Variants in KRT80 observed in about 807,000 individuals in gnomAD.
KRT80 encodes the protein keratin, type II cytoskeletal 80.
In KRT80, 36 loss-of-function variants were observed where a neutral mutation model predicts 51.5. The ratio of observed to expected loss-of-function variants is 0.70; its 90% CI spans 0.54 to 0.92. The LOEUF (loss-of-function observed/expected upper bound fraction) is 0.92, where lower values mean the gene tolerates loss of function less well. Ranked by LOEUF, KRT80 falls within the 40% of genes least tolerant of loss-of-function variation. The probability of loss-of-function intolerance (pLI) is 0.00; values close to 1 mark genes in which losing one functional copy is unlikely to be tolerated. For synonymous variants in KRT80, 235 were observed against 248.3 expected, an observed-to-expected ratio of 0.95 and a Z score of 0.50; for missense variants, 566 against 591.7, an observed-to-expected ratio of 0.96 and a Z score of 0.45.
At position 52,175,960 on chromosome 12, in the gene KRT80, G is replaced by A. The variant is rs116392142; in HGVS notation, c.667-2196C>T. 1.5e-3 allele frequency among the ~76,000 whole-genome samples: 231 copies of A among 152,278 alleles called. 2 individuals carry two copies. The highest frequency in any genetic ancestry group is 5.1e-3 in the African/African-American group (214 of 41,564). ...TTTTGGTTGACACATTGTGGGCATC[G>A]GTGGGTGTGGGGGGCCTCAGAGCCC... On this transcript the variant is annotated intron_variant, in intron 4 of 8. Transcript: ENST00000394815.
At chr12:52,185,300 G>A in intron 2 of KRT80, 79 bp downstream of exon 2, 2 of 1,356,932 alleles carry the variant, frequency 1.5e-6, no homozygotes, top group South Asian at 2.7e-5. Flanking sequence ...TCTTTCTCTG[G>A]CTTAAGTGCC....
rs556735452 is a variant in KRT80, at chr12:52,178,575, G to A, written c.666+1938C>T. ...TCCTTCCGGCTCCAGCGCAGCACCC[G>A]GTTTCTTTGCATCCCAGAATCTGTC... On this transcript the variant is annotated intron_variant, in intron 4 of 8. Coordinates refer to ENST00000394815, the MANE Select transcript of KRT80 (RefSeq NM_182507.3). Among the ~76,000 whole-genome samples, 9 of 152,284 alleles carry A rather than the reference G, an allele frequency of 5.9e-5. 1 individual carries two copies. The South Asian group carries it at 1.2e-3, about 21-fold the overall frequency.
Position 52,191,799 on chromosome 12 carries a change from C to T in KRT80, c.104G>A (p.Arg35Lys), listed in dbSNP as rs2120958496. The change falls in exon 1 of 9, where the codon AGG becomes AAG. Residue 35 changes from arginine to lysine, a missense_variant. Arg to Lys is a conservative substitution (Grantham distance 26, BLOSUM62 2). Transcript: ENST00000394815. Reference protein sequence around the residue: ...RPGTSGWDSCRAPGPGFSSRS... With the variant: ...RPGTSGWDSCKAPGPGFSSRS... ...GGAGCTGAAGCCCGGCCCGGGGGCCCTGCAGCTGTCCCATCCTGAGGTTCC... is the reference window on the plus strand; with the variant it reads ...GGAGCTGAAGCCCGGCCCGGGGGCCTTGCAGCTGTCCCATCCTGAGGTTCC... 2 of 1,608,382 alleles carry T rather than the reference C, an allele frequency of 1.2e-6. No individual in the cohort carries two copies. The highest frequency in any genetic ancestry group is 2.2e-5 in the East Asian group (1 of 44,798).
intron 4 of KRT80, among the ~76,000 whole-genome samples, chr12:52,177,635 C>CTGTGTGTG (rs34730614): frequency 6.8e-6 from 1 of 148,114 alleles, no homozygotes; most frequent in African/African-American, 2.5e-5. Context: ...TGTATCTTGG[C>CTGTGTGTG]TGTGTGTGTG....
At chr12:52,190,468 T>C (rs1941463353) in intron 1 of KRT80, among the ~76,000 whole-genome samples, 1 of 152,252 alleles carries the variant, frequency 6.6e-6, no homozygotes. Flanking sequence ...TGTTACTTTC[T>C]TCCCTCTGCC....
intron 4 of KRT80, among the ~76,000 whole-genome samples, chr12:52,179,340 G>A (rs951910522): frequency 6.6e-6 from 1 of 152,242 alleles, no homozygotes; most frequent in Non-Finnish European, 1.5e-5. Flanking sequence ...CAGTGGGCAT[G>A]GTGCCCTGGT....
intron 4 of KRT80, among the ~76,000 whole-genome samples, chr12:52,175,680 G>T (rs1941206670): frequency 1.3e-5 from 2 of 152,062 alleles, no homozygotes; most frequent in Non-Finnish European, 2.9e-5. Context: ...CTCTGCCCTG[G>T]AGCTGGCAGG....
At chr12:52,178,391 T>TCCCC (rs1941267576) in intron 4 of KRT80, among the ~76,000 whole-genome samples, 1 of 152,234 alleles carries the variant, frequency 6.6e-6, no homozygotes, top group Non-Finnish European at 1.5e-5. Context: ...GACCAGAGAC[T>TCCCC]TCTTTCTTTT....
At chr12:52,181,903 C>G (rs562634259) in intron 2 of KRT80, among the ~76,000 whole-genome samples, 4 of 152,338 alleles carry the variant, frequency 2.6e-5, no homozygotes, top group Non-Finnish European at 5.9e-5. Flanking sequence ...TCGGGGAATG[C>G]CTGAATCACT....
rs930384025 is a variant in KRT80 at position 52,173,162 on chromosome 12, A to G, written c.833T>C (p.Leu278Pro). ...GGCCGAGCGGGCGGCCTGCTCCTCC[A>G]GCTGGAGGTACATGGAGGTCTCAGT... is the stretch of plus-strand genomic sequence containing the variant. Reference protein sequence around the residue: ...EEAEAYSRSQLEEQAARSAEY... With the variant: ...EEAEAYSRSQPEEQAARSAEY... The change falls in exon 6 of 9, where the codon CTG becomes CCG. Residue 278 changes from leucine to proline, a missense_variant and splice_region_variant. Leu to Pro is a moderately conservative substitution (Grantham distance 98, BLOSUM62 -3). Transcript: ENST00000394815. The G allele has an allele frequency of 3.1e-6, 5 of 1,607,554 alleles. No homozygotes were observed. The highest frequency in any genetic ancestry group is 1.3e-5 in the African/African-American group (1 of 74,848).
chr12:52,187,725 G>T (rs1298974462), intron 1 of KRT80, among the ~76,000 whole-genome samples: 1 of 152,182 alleles, frequency 6.6e-6, no homozygotes, highest in African/African-American at 2.4e-5. Flanking sequence ...AGGGATGGAG[G>T]TCAAGAGGGT....
At chr12:52,173,355 C>A (rs1460600781) in intron 5 of KRT80, among the ~76,000 whole-genome samples, 192 bp from the exon 6 acceptor site, 1 of 152,198 alleles carries the variant, frequency 6.6e-6, no homozygotes, top group Non-Finnish European at 1.5e-5. Context: ...CTAGCTGAGC[C>A]CCATGGGCCA....
chr12:52,186,119 C>T (rs1247628885), intron 1 of KRT80, among the ~76,000 whole-genome samples: 3 of 152,106 alleles, frequency 2.0e-5, no homozygotes, highest in East Asian at 1.9e-4. Context: ...CACCTGCCTG[C>T]GCGGTCCTCT....
intron 2 of KRT80, 48 bp downstream of exon 2, chr12:52,185,331 G>T (rs1941385841): frequency 1.3e-6 from 2 of 1,549,240 alleles, no homozygotes; most frequent in Non-Finnish European, 1.8e-6. Flanking sequence ...GCACAGCTTG[G>T]TCCCAGCCCT....
At position 52,172,517 on chromosome 12, in the gene KRT80, G is replaced by A. The variant is rs569791536; in HGVS notation, c.958-99C>T. 3,205 of 1,086,700 alleles carry A rather than the reference G, an allele frequency of 2.9e-3. 7 individuals are homozygous for A. Among genetic ancestry groups the A allele is most frequent in the Non-Finnish European group, 3.9e-3 (2,925 of 755,490 alleles). The allele number at this position is 1,086,700 out of a possible 1,614,324, so 67.3% of individuals were successfully genotyped here. On this transcript the variant is annotated intron_variant, in intron 6 of 8. Coordinates refer to ENST00000394815, the MANE Select transcript of KRT80 (RefSeq NM_182507.3). ...TCTGTCCTTGGTGGGGGTAGGTGTGGGGAGGGAGGGCTGAGCAATGGCATT... is the reference window on the plus strand; with the variant it reads ...TCTGTCCTTGGTGGGGGTAGGTGTGAGGAGGGAGGGCTGAGCAATGGCATT...
intron 1 of KRT80, among the ~76,000 whole-genome samples, chr12:52,186,049 C>T (rs929090708): frequency 6.6e-6 from 1 of 152,002 alleles, no homozygotes; most frequent in African/African-American, 2.4e-5. Flanking sequence ...AGTGCTCATC[C>T]TCTCGATGAC....
chr12:52,173,209 C>T, intron 5 of KRT80, 46 bp from the exon 6 acceptor site: 1 of 1,534,144 alleles, frequency 6.5e-7, no homozygotes, highest in Non-Finnish European at 8.8e-7. Context: ...CAGTGCCGCT[C>T]CCAGCACTTG....
At chr12:52,175,913 C>T (rs1941210742) in intron 4 of KRT80, among the ~76,000 whole-genome samples, 2 of 152,188 alleles carry the variant, frequency 1.3e-5, no homozygotes, top group South Asian at 4.1e-4. Context: ...GGGACAGTTT[C>T]AGAGCTGCAG....
Position 52,171,207 on chromosome 12 carries a change from T to G in KRT80, c.*191A>C. The G allele has an allele frequency of 1.7e-6, 1 of 601,150 alleles. No individual in the cohort carries two copies. 37.2% of individuals were successfully genotyped at this position (601,150 alleles called of 1,614,324 possible). ...ATACTGATATGGAGCGGAGTGGCTC[T>G]GAGGAGCTGGTGATGCTCCTCTCCC... On this transcript the variant is annotated 3_prime_UTR_variant, in exon 9 of 9. Transcript: ENST00000394815.
Sources: allele counts gnomAD v4.1 joint callset (sites outside exome capture counted in the v4.1 genomes callset), GRCh38; gene constraint gnomAD v4.1.1; transcripts MANE v1.5; gene names NCBI Gene and HGNC (gene_info 2026-07-23, HGNC 2026-07-21).